The following DACH1 variants were observed in gnomAD, a reference collection of about 807,000 sequenced individuals.
DACH1 encodes the protein dachshund family transcription factor 1.
In DACH1, 12 loss-of-function variants were observed where a neutral mutation model predicts 54.2. That is an observed-to-expected ratio of 0.22 (90% CI 0.14 to 0.36). The LOEUF is 0.36. DACH1 is among the 10% of genes least tolerant of loss of function. DACH1 has a pLI of 1.00. For synonymous variants in DACH1, 386 were observed against 366.2 expected, an observed-to-expected ratio of 1.05 and a Z score of -0.62; for missense variants, 805 against 929.8, an observed-to-expected ratio of 0.87 and a Z score of 1.75.
chr13:71,642,449 C>A lies in DACH1; in HGVS notation c.965-11732G>T, dbSNP rs553623965. On this transcript the variant is annotated intron_variant, in intron 2 of 10. Transcript: ENST00000613252. ...AACATCAATTCTGATTCTACAAGTA[C>A]GTATATCTCTTCTGTAGCAATTAGG... Among the ~76,000 whole-genome samples, 4 of 152,148 alleles carry A rather than the reference C, an allele frequency of 2.6e-5. No homozygotes were observed. In the South Asian group the frequency reaches 8.3e-4, roughly 32 times the overall value.
intron 1 of DACH1, among the ~76,000 whole-genome samples, chr13:71,739,795 T>G (rs974422906): frequency 6.6e-6 from 1 of 152,206 alleles, no homozygotes; most frequent in African/African-American, 2.4e-5. Flanking sequence ...TAGAAAAATA[T>G]GAAGGCATTT....
intron 3 of DACH1, among the ~76,000 whole-genome samples, chr13:71,615,841 G>A (rs1875720106): frequency 6.6e-6 from 1 of 152,120 alleles, no homozygotes; most frequent in African/African-American, 2.4e-5. Context: ...GTGTGTGTGT[G>A]TATGTACACC....
chr13:71,593,212 G>A (rs1170803098), intron 3 of DACH1, among the ~76,000 whole-genome samples: 1 of 151,996 alleles, frequency 6.6e-6, no homozygotes, highest in Non-Finnish European at 1.5e-5. Context: ...TCCTTTTATC[G>A]AAGATGGTAT....
intron 2 of DACH1, among the ~76,000 whole-genome samples, chr13:71,657,827 T>C (rs1879231966): frequency 6.6e-6 from 1 of 152,106 alleles, no homozygotes; most frequent in African/African-American, 2.4e-5. Flanking sequence ...CCCGGGCTTG[T>C]CTTGAACTCA....
At chr13:71,753,128 G>C (rs1884996641) in intron 1 of DACH1, among the ~76,000 whole-genome samples, 1 of 152,134 alleles carries the variant, frequency 6.6e-6, no homozygotes, top group Non-Finnish European at 1.5e-5. Flanking sequence ...GCGAACCACT[G>C]CAAATATTGT....
chr13:71,498,919 G>A (rs1176364930), intron 6 of DACH1, among the ~76,000 whole-genome samples: 2 of 152,074 alleles, frequency 1.3e-5, no homozygotes, highest in Non-Finnish European at 2.9e-5. Context: ...CTAAGATCAA[G>A]CTATCTATTA....
At chr13:71,560,436 C>T (rs1593895613) in intron 4 of DACH1, among the ~76,000 whole-genome samples, 1 of 152,188 alleles carries the variant, frequency 6.6e-6, no homozygotes, top group African/African-American at 2.4e-5. Flanking sequence ...CATCCTAGTA[C>T]TGCTCTGGAC....
chr13:71,858,674 C>T (rs908447675), intron 1 of DACH1, among the ~76,000 whole-genome samples: 10 of 151,648 alleles, frequency 6.6e-5, no homozygotes, highest in African/African-American at 2.4e-4. Flanking sequence ...CTCTCCAGTC[C>T]CTGGTAACCA....
chr13:71,583,939 G>C (rs1873045208), intron 3 of DACH1, among the ~76,000 whole-genome samples: 1 of 152,066 alleles, frequency 6.6e-6, no homozygotes, highest in Non-Finnish European at 1.5e-5. Flanking sequence ...ACTATAATCT[G>C]TTATTTTCTT....
chr13:71,595,548 G>C (rs1202894116), intron 3 of DACH1, among the ~76,000 whole-genome samples: 1 of 152,110 alleles, frequency 6.6e-6, no homozygotes, highest in African/African-American at 2.4e-5. Flanking sequence ...ATAACAGAGG[G>C]AAGAATCAGA....
chr13:71,858,463 C>A (rs2138283410), intron 1 of DACH1, among the ~76,000 whole-genome samples: 1 of 151,894 alleles, frequency 6.6e-6, no homozygotes, highest in South Asian at 2.1e-4. Context: ...TCATGAAAAT[C>A]ATGCTTTAAA....
Position 71,440,574 on chromosome 13 carries a change from AT to A in DACH1, c.*80del, listed in dbSNP as rs1477214076. ...CAGGAAGTTCCCTTAAAAGGACTTT[AT>A]TTTTTTCTGAACTTTCCCATGACGA... On this transcript the variant is annotated 3_prime_UTR_variant, in exon 11 of 11. Transcript: ENST00000613252. The A allele has an allele frequency of 2.6e-6, 3 of 1,152,642 alleles. No homozygotes were observed. Among genetic ancestry groups the A allele is most frequent in the African/African-American group, 1.6e-5 (1 of 62,198 alleles). 71.4% of individuals were successfully genotyped at this position (1,152,642 alleles called of 1,614,324 possible). A position where few individuals can be genotyped will look rare whatever the true frequency, so the allele number is the denominator to read the frequency against.
chr13:71,855,714 C>T (rs556107967), intron 1 of DACH1, among the ~76,000 whole-genome samples: 48 of 152,024 alleles, frequency 3.2e-4, no homozygotes, highest in African/African-American at 1.1e-3. Flanking sequence ...ATTCTGGAAA[C>T]CCTGTCAGGT....
chr13:71,586,520 T>C (rs373076151), intron 3 of DACH1, among the ~76,000 whole-genome samples: 48 of 152,248 alleles, frequency 3.2e-4, no homozygotes, highest in African/African-American at 1.1e-3. Flanking sequence ...TACTCTGACA[T>C]TGAAACAGTA....
intron 3 of DACH1, among the ~76,000 whole-genome samples, chr13:71,589,832 CATT>C (rs376623587): frequency 5.7e-4 from 87 of 152,066 alleles, no homozygotes; most frequent in African/African-American, 1.9e-3. Flanking sequence ...ATATTATCAT[CATT>C]ATCACTGATT....
intron 1 of DACH1, among the ~76,000 whole-genome samples, chr13:71,837,163 G>A (rs192600133): frequency 4.6e-5 from 7 of 151,854 alleles, no homozygotes; most frequent in African/African-American, 1.7e-4. Flanking sequence ...GCAAATTTAA[G>A]GTAATATTAA....
At chr13:71,471,476 C>T (rs765422980) in intron 10 of DACH1, among the ~76,000 whole-genome samples, 4 of 151,960 alleles carry the variant, frequency 2.6e-5, no homozygotes, top group African/African-American at 7.2e-5. Flanking sequence ...AAAGAAACTA[C>T]GGGGCCAGGA....
intron 1 of DACH1, among the ~76,000 whole-genome samples, chr13:71,857,417 T>G (rs1874071524): frequency 6.6e-6 from 1 of 151,810 alleles, no homozygotes; most frequent in Admixed American, 6.6e-5. Context: ...CCTAAGTTAT[T>G]TGTCCTGTGG....
At chr13:71,441,991 A>C (rs1450680520) in intron 10 of DACH1, among the ~76,000 whole-genome samples, 2 of 152,196 alleles carry the variant, frequency 1.3e-5, no homozygotes, top group African/African-American at 2.4e-5. Flanking sequence ...TAATAATCAC[A>C]TCTGGGTAAA....
Sources: gnomAD v4.1 joint callset for allele counts (sites outside exome capture counted in the v4.1 genomes callset) on GRCh38, gnomAD v4.1.1 for gene constraint, MANE v1.5 for transcripts, NCBI Gene and HGNC (gene_info 2026-07-23, HGNC 2026-07-21) for gene names.